Variants in DNAH6 observed in about 807,000 individuals in gnomAD.
DNAH6 encodes the protein dynein axonemal heavy chain 6, also known as axonemal beta dynein heavy chain 6.
Under a neutral mutation model 491.4 loss-of-function variants are expected in DNAH6, and 340 were observed. The ratio of observed to expected loss-of-function variants is 0.69; its 90% confidence interval spans 0.63 to 0.76. The LOEUF is 0.76. Ranked by LOEUF, DNAH6 falls within the 30% of genes least tolerant of loss-of-function variation. DNAH6 has a pLI of 0.00. For synonymous variants in DNAH6, 1,603 were observed against 1,686.1 expected (o/e 0.95, Z 1.21); for missense variants, 4,443 against 4,972.2 (o/e 0.89, Z 3.20).
intron 70 of DNAH6, among the ~76,000 whole-genome samples, chr2:84,804,266 T>G (rs981075773): frequency 6.7e-6 from 1 of 150,060 alleles, no homozygotes; most frequent in African/African-American, 2.4e-5. Context: ...AAAAAATAGA[T>G]AAGTAACTCA....
intron 3 of DNAH6, among the ~76,000 whole-genome samples, chr2:84,526,968 T>C (rs1000601692): frequency 6.6e-6 from 1 of 152,170 alleles, no homozygotes; most frequent in African/African-American, 2.4e-5. Context: ...TGCTTCCTGG[T>C]TGTAGCTGTC....
chr2:84,788,499 G>C (rs1573813272), intron 68 of DNAH6, among the ~76,000 whole-genome samples: 1 of 152,184 alleles, frequency 6.6e-6, no homozygotes. Flanking sequence ...AATGTGAAGG[G>C]CCTCAAATGG....
At chr2:84,735,165 T>C (rs1303886604) in intron 62 of DNAH6, among the ~76,000 whole-genome samples, 1 of 152,220 alleles carries the variant, frequency 6.6e-6, no homozygotes, top group Non-Finnish European at 1.5e-5. Flanking sequence ...GTTTTCTGTT[T>C]CTGTGTTAAT....
At position 84,579,637 on chromosome 2, in the gene DNAH6, A is replaced by G. The variant is rs1682814701; in HGVS notation, c.2187A>G (p.Glu729=). Residue 729 remains glutamate (E), a synonymous_variant, in exon 14 of 77, where the codon GAA becomes GAG. Transcript: ENST00000389394. ...KLEFVPTTTT[E]YVHSLLFLDE... ...AGTTTGTTCCAACTACTACCACAGA[A>G]TATGTTCATAGCTTATTATTTCTTG... 9 of 1,610,292 alleles carry G rather than the reference A, an allele frequency of 5.6e-6. No homozygotes were observed. Among genetic ancestry groups the G allele is most frequent in the Admixed American group, 1.7e-5 (1 of 59,334 alleles).
the DNAH6 span, among the ~76,000 whole-genome samples, chr2:84,480,136 AATACAAAAATTATGTGCTGCTTCATT>A: frequency 6.6e-6 from 1 of 152,246 alleles, no homozygotes; most frequent in African/African-American, 2.4e-5. Flanking sequence ...CTTTACACTT[AATACAAAAATTATGTGCTGCTTCATT>A]ATACATTTTA....
chr2:84,603,595 A>G (rs1381381488), intron 18 of DNAH6, among the ~76,000 whole-genome samples: 1 of 152,126 alleles, frequency 6.6e-6, no homozygotes, highest in African/African-American at 2.4e-5. Context: ...GAGGCACTGT[A>G]ACTCTTTTTC....
In DNAH6 at chr2:84,649,487, C is replaced by G. The variant is rs116295550; in HGVS notation, c.5079-3832C>G. 8.9e-3 allele frequency among the ~76,000 whole-genome samples: 1,351 copies of G among 152,198 alleles called. 27 individuals are homozygous for G. The highest frequency in any genetic ancestry group is 0.03 in the African/African-American group (1,256 of 41,516). ...GATCTGCTGGCTACAAATTCATTTC[C>G]TTTTCCTTTATCTGAGAATGTCTTG... On this transcript the variant is annotated intron_variant, in intron 33 of 76. Coordinates refer to ENST00000389394, the MANE Select transcript of DNAH6 (RefSeq NM_001370.2).
intron 63 of DNAH6, among the ~76,000 whole-genome samples, chr2:84,754,641 T>C (rs565987687): frequency 6.6e-6 from 1 of 152,384 alleles, no homozygotes. Flanking sequence ...CATTAGCCTA[T>C]ATGTCTATCC....
At chr2:84,607,189 G>A in intron 21 of DNAH6, 94 bp downstream of exon 21, 1 of 1,235,170 alleles carries the variant, frequency 8.1e-7, no homozygotes, top group African/African-American at 1.5e-5. Context: ...ATATTATATG[G>A]TTTTAAAATG....
intron 33 of DNAH6, among the ~76,000 whole-genome samples, chr2:84,650,401 A>G (rs2104549847): frequency 6.6e-6 from 1 of 152,226 alleles, no homozygotes; most frequent in African/African-American, 2.4e-5. Flanking sequence ...CAGTTTACCA[A>G]ATCTTTCCTC....
intron 40 of DNAH6, among the ~76,000 whole-genome samples, chr2:84,672,711 GTGTC>G (rs1208228389): frequency 6.6e-6 from 1 of 152,118 alleles, no homozygotes; most frequent in African/African-American, 2.4e-5. Context: ...GCTTCTCTCT[GTGTC>G]TGTCTGTGTC....
Position 84,518,051 on chromosome 2 carries a change from G to A in DNAH6, c.225G>A (p.Leu75=). The change falls in exon 2 of 77, where the codon TTG becomes TTA. Residue 75 remains leucine, a splice_region_variant and synonymous_variant. Coordinates refer to ENST00000389394, the MANE Select transcript of DNAH6 (RefSeq NM_001370.2). ...KRQQPIKLEP[L]PVLKVYQDHK... is the part of the protein sequence containing the mutation. ...AGCAGCCTATAAAACTAGAGCCTTT[G>A]GTAAGTTCAAAAACCATTGTTTTAG... 2 of 1,540,330 alleles carry A rather than the reference G, an allele frequency of 1.3e-6. No individual in the cohort carries two copies. Among genetic ancestry groups the A allele is most frequent in the Non-Finnish European group, 8.7e-7 (1 of 1,143,802 alleles).
intron 63 of DNAH6, among the ~76,000 whole-genome samples, chr2:84,748,265 A>G (rs1673155947): frequency 6.6e-6 from 1 of 152,152 alleles, no homozygotes; most frequent in Non-Finnish European, 1.5e-5. Context: ...CCAAATTTTT[A>G]CCCTCAGTTT....
At position 84,528,901 on chromosome 2, in the gene DNAH6, T is replaced by G. The variant is rs1193644700; in HGVS notation, c.400-3T>G. Reference sequence around the variant, plus strand: ...TTTTTTTTCAAAAATTGGCTTTGTTTAGATTCATCGGCCCTATGTTGAGGT... The same window carrying G: ...TTTTTTTTCAAAAATTGGCTTTGTTGAGATTCATCGGCCCTATGTTGAGGT... On this transcript the variant is annotated splice_polypyrimidine_tract_variant and splice_region_variant and intron_variant, in intron 3 of 76. Transcript: ENST00000389394. 1 of 1,535,772 alleles carries G rather than the reference T, an allele frequency of 6.5e-7. No individual in the cohort carries two copies. The highest frequency in any genetic ancestry group is 8.8e-7 in the Non-Finnish European group (1 of 1,139,706).
the DNAH6 span, among the ~76,000 whole-genome samples, chr2:84,470,578 C>A: frequency 1.3e-5 from 2 of 152,126 alleles, no homozygotes; most frequent in African/African-American, 4.8e-5. Context: ...ACCAGAGTGA[C>A]CTCTGGTCAG....
chr2:84,560,134 G>T (rs570391121), intron 11 of DNAH6, among the ~76,000 whole-genome samples: 1 of 152,200 alleles, frequency 6.6e-6, no homozygotes, highest in South Asian at 2.1e-4. Flanking sequence ...TATAACTATA[G>T]TTCAGGAAAA....
the DNAH6 span, among the ~76,000 whole-genome samples, chr2:84,478,882 G>C: frequency 6.6e-6 from 1 of 152,196 alleles, no homozygotes; most frequent in African/African-American, 2.4e-5. Flanking sequence ...TTTTACTGCT[G>C]TTGAAAGTGG....
chr2:84,704,899 A>C (rs1696284132), intron 51 of DNAH6, among the ~76,000 whole-genome samples: 2 of 152,184 alleles, frequency 1.3e-5, no homozygotes, highest in South Asian at 4.1e-4. Flanking sequence ...CCACATCACC[A>C]CCAGGCTTCC....
chr2:84,595,036 TGG>T (rs1257224575), intron 17 of DNAH6, among the ~76,000 whole-genome samples: 2 of 152,156 alleles, frequency 1.3e-5, no homozygotes, highest in African/African-American at 4.8e-5. Context: ...ATTAGAGCAG[TGG>T]CTTCCACCGT....
Sources: allele counts gnomAD v4.1 joint callset (sites outside exome capture counted in the v4.1 genomes callset), GRCh38; gene constraint gnomAD v4.1.1; transcripts MANE v1.5; gene names NCBI Gene and HGNC (gene_info 2026-07-23, HGNC 2026-07-21).